The following TENM2 variants were observed in gnomAD, a reference collection of about 807,000 sequenced individuals.
The protein encoded by TENM2 is teneurin transmembrane protein 2.
TENM2 carries 52 observed loss-of-function variants against 245.2 expected under a neutral mutation model. That is an observed-to-expected ratio of 0.21 (90% CI 0.17 to 0.27). The LOEUF (loss-of-function observed/expected upper bound fraction) is 0.27. Among genes scored for constraint, TENM2 ranks in the 10% least tolerant of loss-of-function variants. The pLI, the probability that TENM2 is intolerant of heterozygous loss-of-function variation, is 1.00. For synonymous variants in TENM2, 1,363 were observed against 1,438.9 expected (o/e 0.95, Z 1.19); for missense variants, 3,046 against 3,666.8 (o/e 0.83, Z 4.37).
At chr5:167,423,648 A>G (rs1454382697) in intron 2 of TENM2, among the ~76,000 whole-genome samples, 5 of 152,198 alleles carry the variant, frequency 3.3e-5, no homozygotes, top group Non-Finnish European at 7.3e-5. Context: ...CCACTGAAGC[A>G]TTCCCACGTT....
the TENM2 span, among the ~76,000 whole-genome samples, chr5:167,074,499 A>G: frequency 6.6e-6 from 1 of 152,242 alleles, no homozygotes; most frequent in African/African-American, 2.4e-5. Context: ...TGCAGATTAT[A>G]TAATTCCTGA....
At chr5:168,044,285 G>A (rs192689213) in intron 5 of TENM2, among the ~76,000 whole-genome samples, 21 of 152,288 alleles carry the variant, frequency 1.4e-4, no homozygotes, top group Non-Finnish European at 2.6e-4. Context: ...CAAGCATGCG[G>A]GCGCCTGTAG....
chr5:167,095,663 A>T, the TENM2 span, among the ~76,000 whole-genome samples: 1 of 152,126 alleles, frequency 6.6e-6, no homozygotes, highest in South Asian at 2.1e-4. Context: ...CTACAATAAA[A>T]TCCATAGATC....
intron 2 of TENM2, among the ~76,000 whole-genome samples, chr5:167,646,195 G>A (rs923134011): frequency 9.2e-6 from 1 of 108,180 alleles, no homozygotes; most frequent in African/African-American, 4.5e-5. Context: ...TATATATGTT[G>A]TTTTCATATA....
At chr5:167,040,985 A>G in the TENM2 span, among the ~76,000 whole-genome samples, 1 of 152,180 alleles carries the variant, frequency 6.6e-6, no homozygotes, top group Non-Finnish European at 1.5e-5. Context: ...TCAGTTTTGA[A>G]TGGCCCTTAG....
chr5:167,846,104 C>T (rs1461660618), intron 2 of TENM2, among the ~76,000 whole-genome samples: 1 of 152,150 alleles, frequency 6.6e-6, no homozygotes, highest in Non-Finnish European at 1.5e-5. Flanking sequence ...TTGCAATGTC[C>T]CTGAAAGCAG....
At chr5:167,773,889 G>T (rs985962443) in intron 2 of TENM2, among the ~76,000 whole-genome samples, 12 of 152,002 alleles carry the variant, frequency 7.9e-5, no homozygotes, top group East Asian at 1.9e-4. Context: ...AGGTCATGTC[G>T]CTTGTTATTA....
chr5:167,827,376 A>T (rs1018241269), intron 2 of TENM2, among the ~76,000 whole-genome samples: 9 of 152,154 alleles, frequency 5.9e-5, no homozygotes, highest in Non-Finnish European at 1.2e-4. Flanking sequence ...ATATTGAATT[A>T]AAAAGGTACT....
chr5:167,336,043 G>T lies in TENM2; in HGVS notation c.227-39155G>T, dbSNP rs1363846286. Among the ~76,000 whole-genome samples the T allele has an allele frequency of 3.3e-5, 5 of 152,132 alleles. No homozygotes were observed. The East Asian group carries it at 9.6e-4, about 29-fold the overall frequency. ...CAATAGTAAGTCATGGAGTTTCCTT[G>T]TAATCCCATCTTATTGATGCCAGAC... On this transcript the variant is annotated intron_variant, in intron 1 of 28. Coordinates refer to ENST00000518659, the Ensembl canonical transcript of TENM2.
At chr5:167,953,075 A>C (rs768277618) in intron 4 of TENM2, among the ~76,000 whole-genome samples, 2 of 152,176 alleles carry the variant, frequency 1.3e-5, no homozygotes, top group African/African-American at 4.8e-5. Flanking sequence ...TACCCAACTA[A>C]TAGAATTAGC....
chr5:168,013,589 G>A (rs1309531989), intron 5 of TENM2, among the ~76,000 whole-genome samples: 1 of 148,786 alleles, frequency 6.7e-6, no homozygotes, highest in Non-Finnish European at 1.5e-5. Flanking sequence ...GGGTGACAAA[G>A]CAAGACTCTG....
At chr5:167,787,576 T>G (rs964513304) in intron 2 of TENM2, among the ~76,000 whole-genome samples, 2 of 152,238 alleles carry the variant, frequency 1.3e-5, no homozygotes, top group Non-Finnish European at 2.9e-5. Flanking sequence ...CTATGTTCTA[T>G]CAATCTCAGC....
intron 2 of TENM2, among the ~76,000 whole-genome samples, chr5:167,606,308 TC>T (rs780198777): frequency 2.0e-5 from 3 of 151,956 alleles, no homozygotes; most frequent in Non-Finnish European, 4.4e-5. Flanking sequence ...AAGTCTGAGA[TC>T]AGGGTGCCAG....
chr5:167,669,169 C>T (rs556517831), intron 2 of TENM2, among the ~76,000 whole-genome samples: 65 of 152,118 alleles, frequency 4.3e-4, no homozygotes, highest in Non-Finnish European at 8.2e-4. Flanking sequence ...TGTTTACATG[C>T]ATCCTTGAAT....
At chr5:167,059,062 C>G in the TENM2 span, among the ~76,000 whole-genome samples, 1 of 152,184 alleles carries the variant, frequency 6.6e-6, no homozygotes, top group Non-Finnish European at 1.5e-5. Context: ...TACTGAGACA[C>G]TAAGGGTACT....
chr5:167,033,472 T>C, the TENM2 span, among the ~76,000 whole-genome samples: 1 of 152,220 alleles, frequency 6.6e-6, no homozygotes, highest in South Asian at 2.1e-4. Context: ...TCCTTAGTTA[T>C]GAAGTTAATT....
At chr5:167,881,318 G>A (rs939470598) in intron 3 of TENM2, among the ~76,000 whole-genome samples, 1 of 152,106 alleles carries the variant, frequency 6.6e-6, no homozygotes, top group Non-Finnish European at 1.5e-5. Context: ...TGTACATCCT[G>A]TGGTTGTTTA....
chr5:167,217,344 A>T, the TENM2 span, among the ~76,000 whole-genome samples: 1 of 152,264 alleles, frequency 6.6e-6, no homozygotes, highest in African/African-American at 2.4e-5. Context: ...TTAAAAAAAG[A>T]ATTGAGGTTT....
At chr5:168,165,647 AACCCCCCCC>A (rs1758186650) in intron 13 of TENM2, among the ~76,000 whole-genome samples, 5 of 15,874 alleles carry the variant, frequency 3.1e-4, no homozygotes, top group Non-Finnish European at 4.9e-4. Flanking sequence ...TCCCCCCCCC[AACCCCCCCC>A]CCCCCCCCGG....
Sources: allele counts gnomAD v4.1 joint callset (sites outside exome capture counted in the v4.1 genomes callset), GRCh38; gene constraint gnomAD v4.1.1; transcripts MANE v1.5; gene names NCBI Gene and HGNC (gene_info 2026-07-23, HGNC 2026-07-21).